Variants in DOCK9 observed in about 807,000 individuals in gnomAD.
DOCK9 encodes the protein dedicator of cytokinesis 9.
DOCK9 carries 89 observed loss-of-function variants against 263.3 expected under a neutral mutation model. The observed-to-expected ratio is 0.34, with a 90% CI of 0.28 to 0.40. The LOEUF (loss-of-function observed/expected upper bound fraction) is 0.40. Among genes scored for constraint, DOCK9 ranks in the 10% least tolerant of loss-of-function variants. DOCK9 has a pLI of 1.00. For missense variants in DOCK9, 2,140 were observed against 2,603.4 expected (o/e 0.82, Z 3.87); for synonymous variants, 976 against 973.1 (o/e 1.00, Z -0.06).
At chr13:98,949,392 G>C (rs2140846262) in intron 2 of DOCK9, among the ~76,000 whole-genome samples, 1 of 152,232 alleles carries the variant, frequency 6.6e-6, no homozygotes, top group Admixed American at 6.5e-5. Flanking sequence ...ACAGAGCCTT[G>C]TACATAGCTT....
intron 45 of DOCK9, 123 bp from the exon 46 acceptor site, chr13:98,810,414 T>G (rs895021267): frequency 3.3e-6 from 4 of 1,199,902 alleles, no homozygotes; most frequent in Non-Finnish European, 4.7e-6. Flanking sequence ...ACAACATGCA[T>G]CAACACTCAC....
intron 1 of DOCK9, among the ~76,000 whole-genome samples, chr13:98,999,308 A>ACTCT (rs200490875): frequency 5.4e-5 from 5 of 92,122 alleles, no homozygotes; most frequent in Non-Finnish European, 1.3e-4. Context: ...ACACACACAC[A>ACTCT]CACACACACT....
At chr13:98,906,601 C>T (rs1485002382) in intron 9 of DOCK9, among the ~76,000 whole-genome samples, 1 of 152,196 alleles carries the variant, frequency 6.6e-6, no homozygotes, top group African/African-American at 2.4e-5. Context: ...TGATGGGGCA[C>T]TCACAACCAC....
chr13:98,975,863 C>T (rs1190334348), intron 1 of DOCK9, among the ~76,000 whole-genome samples: 1 of 152,206 alleles, frequency 6.6e-6, no homozygotes, highest in African/African-American at 2.4e-5. Flanking sequence ...GGGCCACTGA[C>T]ATTCGAACAA....
chr13:99,052,338 A>G (rs1251738263), intron 1 of DOCK9, among the ~76,000 whole-genome samples: 1 of 152,082 alleles, frequency 6.6e-6, no homozygotes, highest in African/African-American at 2.4e-5. Context: ...CTCCTGGTAA[A>G]CAAATGCCAG....
chr13:98,835,864 C>G (rs1428128451), intron 39 of DOCK9, among the ~76,000 whole-genome samples: 1 of 151,168 alleles, frequency 6.6e-6, no homozygotes, highest in Non-Finnish European at 1.5e-5. Context: ...CTTAGCCTCC[C>G]GTAGCTGGGA....
At chr13:98,887,449 T>C (rs2138904877) in intron 18 of DOCK9, among the ~76,000 whole-genome samples, 1 of 151,092 alleles carries the variant, frequency 6.6e-6, no homozygotes, top group African/African-American at 2.4e-5. Context: ...ACCCCGTCTC[T>C]ACTAAAAATA....
Position 98,825,847 on chromosome 13 carries a change from G to GGGC in DOCK9, c.5023+980_5023+982dup. 6.7e-7 allele frequency: 1 copy of GGGC among 1,486,296 alleles called. No homozygotes were observed. The highest frequency in any genetic ancestry group is 9.0e-7 in the Non-Finnish European group (1 of 1,113,454). The allele number at this position is 1,486,296 out of a possible 1,614,324, so 92.1% of individuals were successfully genotyped here. On this transcript the variant is annotated intron_variant, in intron 44 of 52. Transcript: ENST00000682017. This position sits in a 1 kb window ranked among gnomAD's most constrained non-coding sequence, Gnocchi z 4.1. ...CGTGACCAGGGCAGGGGGTCCCCGG[G>GGGC]GGCTGGGCTGATCCTCAGGCTCACC...
At chr13:98,921,446 T>G (rs2051968724) in intron 6 of DOCK9, among the ~76,000 whole-genome samples, 2 of 152,202 alleles carry the variant, frequency 1.3e-5, no homozygotes, top group South Asian at 4.1e-4. Flanking sequence ...TGGGAACTAT[T>G]TTTTGCCTCA....
At chr13:98,874,496 A>G (rs1322306676) in intron 27 of DOCK9, among the ~76,000 whole-genome samples, 1 of 152,182 alleles carries the variant, frequency 6.6e-6, no homozygotes, top group Non-Finnish European at 1.5e-5. Context: ...ATTTCTCTTC[A>G]GCAGATATCT....
At chr13:98,884,538 G>C (rs1222952215) in intron 21 of DOCK9, among the ~76,000 whole-genome samples, 1 of 152,168 alleles carries the variant, frequency 6.6e-6, no homozygotes, top group African/African-American at 2.4e-5. Flanking sequence ...AGAAATCTGG[G>C]GAAAATTAGG....
At chr13:98,949,243 T>C (rs1023026403) in intron 2 of DOCK9, among the ~76,000 whole-genome samples, 5 of 152,172 alleles carry the variant, frequency 3.3e-5, no homozygotes, top group African/African-American at 9.7e-5. Context: ...CGGCTAATTT[T>C]TTCTTTTTTT....
rs1278723615 is a variant in DOCK9 at position 98,881,578 on chromosome 13, G to A, written c.2725C>T (p.His909Tyr). Residue 909 changes from histidine (H) to tyrosine (Y), a missense_variant, in exon 25 of 53, where the codon CAC becomes TAC. By Grantham distance (83) the His-to-Tyr change is moderately conservative (BLOSUM62 2). Coordinates refer to ENST00000682017, the MANE Select transcript of DOCK9 (RefSeq NM_001366683.2). ...AQCHEEGLESHLRSYVKYAYK... is the reference protein window; with the variant it reads ...AQCHEEGLESYLRSYVKYAYK... Reference sequence around the variant, plus strand: ...CATACCTTAACATATGACCTCAAGTGGCTCTCCAATCCTTCCTCATGGCAC... The same window carrying A: ...CATACCTTAACATATGACCTCAAGTAGCTCTCCAATCCTTCCTCATGGCAC... The A allele has an allele frequency of 1.4e-5, 22 of 1,608,134 alleles. No homozygotes were observed. The highest frequency in any genetic ancestry group is 1.8e-5 in the Non-Finnish European group (21 of 1,177,478).
upstream of DOCK9, among the ~76,000 whole-genome samples, chr13:98,982,477 T>C (rs1877437342): frequency 3.9e-5 from 6 of 152,172 alleles, no homozygotes. Context: ...TTTTTACCTC[T>C]ATTATGGAGC....
Position 98,797,396 on chromosome 13 carries a change from C to T in DOCK9, c.6010G>A (p.Val2004Ile). ...PDNKVKLLKE[V>I]FRQFVEACGQ... is the part of the protein sequence containing the mutation. ...GCTTTCAGTGTGCTTTACCTGAAAA[C>T]TTCCTTAAGCAGCTTCACTTTATTG... Residue 2004 changes from valine (V) to isoleucine (I), a missense_variant, in exon 51 of 53, where the codon GTT becomes ATT. Around this residue, in one of 2 missense-constraint regions of DOCK9, gnomAD observed 619 missense variants for 861.8 expected, o/e 0.72. Coordinates refer to ENST00000682017, the MANE Select transcript of DOCK9 (RefSeq NM_001366683.2). 3 of 1,613,498 alleles carry T rather than the reference C, an allele frequency of 1.9e-6. No individual in the cohort carries two copies. The highest frequency in any genetic ancestry group is 2.5e-6 in the Non-Finnish European group (3 of 1,179,636).
intron 38 of DOCK9, among the ~76,000 whole-genome samples, chr13:98,842,007 A>C (rs1489687901): frequency 6.6e-6 from 1 of 152,126 alleles, no homozygotes; most frequent in Non-Finnish European, 1.5e-5. Context: ...ATCCAATTTT[A>C]AAGATATATT....
chr13:98,809,385 C>T lies in DOCK9; in HGVS notation c.5334G>A (p.Leu1778=). The T allele has an allele frequency of 6.2e-7, 1 of 1,613,798 alleles. No homozygotes were observed. Among genetic ancestry groups the T allele is most frequent in the Non-Finnish European group, 8.5e-7 (1 of 1,179,858 alleles). Residue 1778 remains leucine (L), a synonymous_variant, in exon 47 of 53, where the codon CTG becomes CTA. Transcript: ENST00000682017. ...AGAAGGCTACCCGGAAGTAGGTCCC[C>T]AGAAGCCTGCGGCCCGAGTGCATGA... ...TEVMHSGRRL[L]GTYFRVAFFG...
intron 1 of DOCK9, among the ~76,000 whole-genome samples, chr13:98,963,193 G>A (rs2058848198): frequency 1.3e-5 from 2 of 152,174 alleles, no homozygotes; most frequent in South Asian, 4.1e-4. Flanking sequence ...CCAGAAAGCA[G>A]GACCCCAAAA....
In DOCK9 at chr13:98,829,868, G is replaced by A. The variant is rs568476162; in HGVS notation, c.4636-112C>T. 33 of 870,054 alleles carry A rather than the reference G, an allele frequency of 3.8e-5. No homozygotes were observed. The highest frequency in any genetic ancestry group is 8.2e-5 in the Admixed American group (4 of 48,876). The allele number at this position is 870,054 out of a possible 1,614,324, so 53.9% of individuals were successfully genotyped here. A position where few individuals can be genotyped will look rare whatever the true frequency, so the allele number is the denominator to read the frequency against. The stretch of plus-strand genomic sequence containing the variant: ...AGGACCCAGCAAAGTGGGGGTTGGG[G>A]GGTGCTTTGAGCAGGGGTCGCTCCG... On this transcript the variant is annotated intron_variant, in intron 41 of 52. Coordinates refer to ENST00000682017, the MANE Select transcript of DOCK9 (RefSeq NM_001366683.2). The surrounding 1 kb of genome is among the most constrained non-coding windows in gnomAD (Gnocchi z 4.1).
Sources: gnomAD v4.1 joint callset for allele counts (sites outside exome capture counted in the v4.1 genomes callset) on GRCh38, gnomAD v4.1.1 for gene constraint, gnomAD v4.1.1 regional missense constraint, Gnocchi (gnomAD v3.1) non-coding constraint, MANE v1.5 for transcripts, NCBI Gene and HGNC (gene_info 2026-07-23, HGNC 2026-07-21) for gene names.